RELB: variants seen among roughly 807,000 people sequenced by gnomAD.
The protein encoded by RELB is transcription factor RelB.
Under a neutral mutation model 55.4 loss-of-function variants are expected in RELB, and 14 were observed. The ratio of observed to expected loss-of-function variants is 0.25; its 90% CI spans 0.17 to 0.40. RELB has a LOEUF of 0.40. Ranked by LOEUF, RELB falls within the 10% of genes least tolerant of loss-of-function variation. RELB has a pLI of 1.00. For synonymous variants in RELB, 409 were observed against 371.3 expected, an observed-to-expected ratio of 1.10 and a Z score of -1.17; for missense variants, 669 against 830.7, an observed-to-expected ratio of 0.81 and a Z score of 2.39.
chr19:45,036,483 C>A (rs1971687113), intron 11 of RELB, among the ~76,000 whole-genome samples: 1 of 152,156 alleles, frequency 6.6e-6, no homozygotes, highest in African/African-American at 2.4e-5. Flanking sequence ...GGACTGGTGA[C>A]TTCCCAACTT....
chr19:45,007,348 C>T (rs1197970138), intron 2 of RELB, among the ~76,000 whole-genome samples: 1 of 152,166 alleles, frequency 6.6e-6, no homozygotes, highest in African/African-American at 2.4e-5. Flanking sequence ...ATAATATTAA[C>T]TAAGCTTTCT....
intron 8 of RELB, among the ~76,000 whole-genome samples, chr19:45,030,701 G>A (rs1171934981): frequency 1.3e-5 from 2 of 152,218 alleles, no homozygotes; most frequent in Non-Finnish European, 2.9e-5. Context: ...GGAGGCTGAG[G>A]TAGGAGGATT....
chr19:45,020,494 G>A (rs914011237), intron 4 of RELB, among the ~76,000 whole-genome samples: 7 of 150,658 alleles, frequency 4.6e-5, no homozygotes, highest in Non-Finnish European at 8.8e-5. Flanking sequence ...GATTACAGGC[G>A]TGAGCCACTG....
chr19:45,018,922 C>A (rs571712899), intron 4 of RELB, among the ~76,000 whole-genome samples: 1 of 152,066 alleles, frequency 6.6e-6, no homozygotes, highest in African/African-American at 2.4e-5. Flanking sequence ...GTGATCCACC[C>A]GCCAGATTAC....
chr19:45,028,918 G>C lies in RELB; in HGVS notation c.917G>C (p.Cys306Ser). 2 of 1,600,218 alleles carry C rather than the reference G, an allele frequency of 1.2e-6. No individual in the cohort carries two copies. The highest frequency in any genetic ancestry group is 3.5e-5 in the Admixed American group (2 of 57,628). Reference sequence around the variant, plus strand: ...ACAAACACATCAGAGCTGCGGATTTGCCGAATTAACAAGGAAAGCGGGCCG... The same window carrying C: ...ACAAACACATCAGAGCTGCGGATTTCCCGAATTAACAAGGAAAGCGGGCCG... Reference protein sequence around the residue: ...KSTNTSELRICRINKESGPCT... With the variant: ...KSTNTSELRISRINKESGPCT... The change falls in exon 8 of 12, where the codon TGC becomes TCC. Residue 306 changes from cysteine (C) to serine (S), a missense_variant. Physicochemically the swap from Cys to Ser is moderately radical, Grantham distance 112. Transcript: ENST00000221452.
At position 45,011,874 on chromosome 19, in the gene RELB, T is replaced by C. The variant is rs1351365635; in HGVS notation, c.164-62T>C. Reference sequence around the variant, plus strand: ...AAACGTCTCGGGGGTAATCAAGCCTTTTTTTTTTTTTTTAATTTTTTAAAG... The same window carrying C: ...AAACGTCTCGGGGGTAATCAAGCCTCTTTTTTTTTTTTTAATTTTTTAAAG... On this transcript the variant is annotated intron_variant, in intron 3 of 11. Transcript: ENST00000221452. The C allele has an allele frequency of 6.6e-6, 5 of 756,140 alleles. No homozygotes were observed. In the African/African-American group the frequency reaches 8.1e-5, roughly 12 times the overall value. The allele number at this position is 756,140 out of a possible 1,614,324, so 46.8% of individuals were successfully genotyped here.
At chr19:45,021,196 A>G (rs908147349) in intron 4 of RELB, among the ~76,000 whole-genome samples, 8 of 151,758 alleles carry the variant, frequency 5.3e-5, no homozygotes, top group Non-Finnish European at 1.0e-4. Flanking sequence ...AAAAAAGGCC[A>G]GGCACGGTGA....
At position 45,028,336 on chromosome 19, in the gene RELB, GT is replaced by G. The variant is rs369550888; in HGVS notation, c.887-548del. Among the ~76,000 whole-genome samples, 680 of 151,672 alleles carry G rather than the reference GT, an allele frequency of 4.5e-3. 4 individuals carry two copies. Among genetic ancestry groups the G allele is most frequent in the African/African-American group, 0.015 (627 of 41,348 alleles). Reference sequence around the variant, plus strand: ...CTTGCCTAGCAAAGGATCTTCTTTTGTTTTGTTATTTTTTTGTTTGTTTGTT... The same window carrying G: ...CTTGCCTAGCAAAGGATCTTCTTTTGTTTGTTATTTTTTTGTTTGTTTGTT... On this transcript the variant is annotated intron_variant, in intron 7 of 11. Coordinates refer to ENST00000221452, the MANE Select transcript of RELB (RefSeq NM_006509.4).
chr19:45,003,551 A>AT (rs752559196), intron 2 of RELB: 1 of 516,818 alleles, frequency 1.9e-6, no homozygotes, highest in South Asian at 1.4e-5. Context: ...TTCTTTAGAG[A>AT]TTCACTGTGG....
intron 2 of RELB, among the ~76,000 whole-genome samples, chr19:45,006,604 A>G (rs1474045501): frequency 1.3e-5 from 2 of 152,082 alleles, no homozygotes; most frequent in African/African-American, 4.8e-5. Flanking sequence ...CTCCCAGTCT[A>G]TAGGAGACAG....
At chr19:45,016,264 C>T (rs748125670) in intron 4 of RELB, among the ~76,000 whole-genome samples, 1 of 152,104 alleles carries the variant, frequency 6.6e-6, no homozygotes, top group Non-Finnish European at 1.5e-5. Flanking sequence ...GGATTACAGG[C>T]GTGAGCCACC....
chr19:45,001,756 G>A, intron 1 of RELB, 71 bp downstream of exon 1: 1 of 1,044,860 alleles, frequency 9.6e-7, no homozygotes, highest in Non-Finnish European at 1.4e-6. Context: ...GGCGGTCCCG[G>A]AGTAGTCTGG....
chr19:45,008,378 G>A (rs1219748111), intron 2 of RELB: 24 of 455,152 alleles, frequency 5.3e-5, no homozygotes, highest in Middle Eastern at 3.2e-4. Context: ...TCCAGCCACA[G>A]CCGCCCAGGA....
Position 45,024,589 on chromosome 19 carries a change from C to T in RELB, c.663-740C>T, listed in dbSNP as rs566559161. 5.1e-4 allele frequency among the ~76,000 whole-genome samples: 78 copies of T among 151,612 alleles called. 1 individual carries two copies. Among genetic ancestry groups the T allele is most frequent in the African/African-American group, 1.2e-3 (51 of 41,344 alleles). On this transcript the variant is annotated intron_variant, in intron 5 of 11. Coordinates refer to ENST00000221452, the MANE Select transcript of RELB (RefSeq NM_006509.4). The stretch of plus-strand genomic sequence containing the variant: ...TTTTTGAGACAGATTCTTGCTCTGT[C>T]GCCAGGCTGAAGTGCAGTGGCATGA...
chr19:45,001,608 C>A lies in RELB; in HGVS notation c.29C>A (p.Pro10Gln). The stretch of plus-strand genomic sequence containing the variant: ...CTTCGGTCTGGGCCAGCCTCTGGGC[C>A]GTCCGTCCCCACTGGCCGGGCCATG... The part of the protein sequence containing the change: MLRSGPASG[P>Q]SVPTGRAMPS... The change falls in exon 1 of 12, where the codon CCG (proline) becomes CAG (glutamine). Residue 10 changes from proline (P) to glutamine (Q), a missense_variant. This residue lies in a region of RELB where 323 missense variants were observed against 368.5 expected (regional missense o/e 0.88). Transcript: ENST00000221452. 1.3e-6 allele frequency: 2 copies of A among 1,515,052 alleles called. No homozygotes were observed. Among genetic ancestry groups the A allele is most frequent in the Non-Finnish European group, 1.8e-6 (2 of 1,138,080 alleles). 93.9% of individuals were successfully genotyped at this position (1,515,052 alleles called of 1,614,324 possible).
chr19:45,003,389 G>A (rs933223354), intron 2 of RELB, among the ~76,000 whole-genome samples: 9 of 143,500 alleles, frequency 6.3e-5, no homozygotes, highest in Non-Finnish European at 1.0e-4. Flanking sequence ...GCAGGAGAAT[G>A]GCGTGAACCT....
intron 4 of RELB, among the ~76,000 whole-genome samples, chr19:45,018,952 C>T (rs73049472): frequency 0.13 from 19,693 of 152,046 alleles, 1,475 homozygotes; most frequent in East Asian, 0.29. Flanking sequence ...CCACCGCGCT[C>T]GGCTGAAAGC....
At chr19:45,030,710 T>C (rs1971610659) in intron 8 of RELB, among the ~76,000 whole-genome samples, 1 of 152,190 alleles carries the variant, frequency 6.6e-6, no homozygotes, top group Non-Finnish European at 1.5e-5. Flanking sequence ...GGTAGGAGGA[T>C]TGCTTAAGTG....
chr19:45,004,350 G>A (rs1462405877), intron 2 of RELB, among the ~76,000 whole-genome samples: 1 of 151,132 alleles, frequency 6.6e-6, no homozygotes, highest in Non-Finnish European at 1.5e-5. Context: ...AGCCTCCCAA[G>A]TAGCTGGGAT....
Sources: gnomAD v4.1 joint callset for allele counts (sites outside exome capture counted in the v4.1 genomes callset) on GRCh38, gnomAD v4.1.1 for gene constraint, gnomAD v4.1.1 regional missense constraint, MANE v1.5 for transcripts, NCBI Gene and HGNC (gene_info 2026-07-23, HGNC 2026-07-21) for gene names.